MED13L: variants seen among roughly 807,000 people sequenced by gnomAD.
MED13L encodes mediator complex subunit 13L, also known as mediator of RNA polymerase II transcription subunit 13-like.
Under a neutral mutation model 220.9 loss-of-function variants are expected in MED13L, and 7 were observed. The ratio of observed to expected loss-of-function variants is 0.03; its 90% CI spans 0.02 to 0.06. The LOEUF is 0.06. Ranked by LOEUF, MED13L falls within the 10% of genes least tolerant of loss-of-function variation. The pLI is 1.00. For synonymous variants in MED13L, 1,011 were observed against 1,015.2 expected, an observed-to-expected ratio of 1.00 and a Z score of 0.08; for missense variants, 1,965 against 2,760.5, an observed-to-expected ratio of 0.71 and a Z score of 6.46.
At chr12:116,086,624 A>G (rs1404043195) in intron 4 of MED13L, among the ~76,000 whole-genome samples, 1 of 152,086 alleles carries the variant, frequency 6.6e-6, no homozygotes, top group Non-Finnish European at 1.5e-5. Flanking sequence ...TTATACTTCA[A>G]TCTTATACAA....
At chr12:116,233,262 T>C (rs973212120) in intron 2 of MED13L, among the ~76,000 whole-genome samples, 10 of 152,180 alleles carry the variant, frequency 6.6e-5, no homozygotes, top group African/African-American at 4.8e-5. Flanking sequence ...TTATAGTATA[T>C]AATCATTAGT....
At chr12:116,273,141 C>T (rs1168096043) in intron 1 of MED13L, among the ~76,000 whole-genome samples, 1 of 151,982 alleles carries the variant, frequency 6.6e-6, no homozygotes, top group African/African-American at 2.4e-5. Context: ...CCCGTCTCTA[C>T]TAAAAATACA....
chr12:116,117,957 G>C (rs965381170), intron 2 of MED13L, among the ~76,000 whole-genome samples: 13 of 152,042 alleles, frequency 8.6e-5, no homozygotes, highest in African/African-American at 3.1e-4. Context: ...TACAGGCATA[G>C]GCCACCATGC....
At chr12:116,116,931 A>G (rs540497861) in intron 2 of MED13L, among the ~76,000 whole-genome samples, 1 of 148,890 alleles carries the variant, frequency 6.7e-6, no homozygotes, top group Admixed American at 6.7e-5. Flanking sequence ...TCAAGTTTGG[A>G]GGATGTAAGG....
intron 1 of MED13L, among the ~76,000 whole-genome samples, chr12:116,239,804 A>G (rs970545587): frequency 7.9e-5 from 12 of 152,224 alleles, no homozygotes; most frequent in Non-Finnish European, 1.8e-4. Flanking sequence ...TATCTTTTAA[A>G]ATATCGGCCA....
chr12:116,039,215 C>T (rs568887841), intron 4 of MED13L, among the ~76,000 whole-genome samples: 1 of 152,318 alleles, frequency 6.6e-6, no homozygotes, highest in Admixed American at 6.5e-5. Flanking sequence ...TCAGAGCTAG[C>T]AGCTGGCACT....
chr12:116,275,839 C>T lies in MED13L; in HGVS notation c.72+1221G>A, dbSNP rs554885469. 2.2e-4 allele frequency among the ~76,000 whole-genome samples: 33 copies of T among 152,282 alleles called. No individual in the cohort carries two copies. The South Asian group carries it at 6.8e-3, about 32-fold the overall frequency. On this transcript the variant is annotated intron_variant, in intron 1 of 30. Coordinates refer to ENST00000281928, the MANE Select transcript of MED13L (RefSeq NM_015335.5). ...CAGCCAATTTTCCAATTATATTCTA[C>T]GCTTGAAACGTAATTGCCTTACATC...
chr12:116,191,763 T>A (rs1177553842), intron 2 of MED13L, among the ~76,000 whole-genome samples: 1 of 152,050 alleles, frequency 6.6e-6, no homozygotes, highest in East Asian at 1.9e-4. Context: ...GGAGGATCAC[T>A]TGAGCCCAGG....
chr12:116,247,832 AAG>A (rs1258658973), intron 1 of MED13L, among the ~76,000 whole-genome samples: 18 of 152,238 alleles, frequency 1.2e-4, no homozygotes, highest in Admixed American at 3.9e-4. Flanking sequence ...GCGTAAGTAT[AAG>A]GGCTCAGAGG....
At chr12:116,037,549 G>A (rs562728075) in intron 4 of MED13L, among the ~76,000 whole-genome samples, 1 of 152,164 alleles carries the variant, frequency 6.6e-6, no homozygotes, top group African/African-American at 2.4e-5. Context: ...ATCTGTATAA[G>A]AGCAAAGTTA....
chr12:116,276,438 G>A (rs1873839334), intron 1 of MED13L: 1 of 1,288,620 alleles, frequency 7.8e-7, no homozygotes, highest in Non-Finnish European at 1.0e-6. Context: ...ACCTTCCGTC[G>A]GCTCGGTGCA....
chr12:115,990,772 G>A (rs1252511582), intron 17 of MED13L, among the ~76,000 whole-genome samples: 1 of 152,182 alleles, frequency 6.6e-6, no homozygotes, highest in Non-Finnish European at 1.5e-5. Flanking sequence ...AACATAGACT[G>A]CTTACTTATG....
At chr12:116,167,270 A>G (rs1320948495) in intron 2 of MED13L, among the ~76,000 whole-genome samples, 2 of 152,216 alleles carry the variant, frequency 1.3e-5, no homozygotes, top group African/African-American at 4.8e-5. Context: ...CAAGATTAAT[A>G]TTATGTTTAC....
intron 4 of MED13L, among the ~76,000 whole-genome samples, chr12:116,066,759 T>TAAA (rs199896147): frequency 7.1e-6 from 1 of 140,170 alleles, no homozygotes. Flanking sequence ...AAAATTGTAT[T>TAAA]AAAAAAAAAA....
At chr12:116,168,662 T>C (rs947263308) in intron 2 of MED13L, among the ~76,000 whole-genome samples, 3 of 152,166 alleles carry the variant, frequency 2.0e-5, no homozygotes, top group African/African-American at 4.8e-5. Flanking sequence ...AATCAACTTC[T>C]TTCTGAATAT....
intron 2 of MED13L, among the ~76,000 whole-genome samples, chr12:116,176,856 T>G (rs923319080): frequency 1.6e-5 from 2 of 127,588 alleles, no homozygotes; most frequent in African/African-American, 6.1e-5. Flanking sequence ...GTGGTACATA[T>G]GCAGAATCGA....
chr12:116,012,614 T>A (rs1879480352), intron 9 of MED13L, among the ~76,000 whole-genome samples, 183 bp downstream of exon 9: 1 of 152,210 alleles, frequency 6.6e-6, no homozygotes, highest in African/African-American at 2.4e-5. Context: ...GCCGATTGTC[T>A]AACAAACTCT....
intron 2 of MED13L, among the ~76,000 whole-genome samples, chr12:116,157,796 C>G (rs1483111153): frequency 6.6e-6 from 1 of 152,230 alleles, no homozygotes; most frequent in African/African-American, 2.4e-5. Context: ...TCAAACTGTA[C>G]TTCTGGAGAA....
intron 3 of MED13L, among the ~76,000 whole-genome samples, chr12:116,107,603 C>T (rs1311007747): frequency 6.6e-6 from 1 of 152,168 alleles, no homozygotes; most frequent in African/African-American, 2.4e-5. Context: ...TATATGGCTC[C>T]TGCTTAGCTG....
Sources: allele counts gnomAD v4.1 joint callset (sites outside exome capture counted in the v4.1 genomes callset), GRCh38; gene constraint gnomAD v4.1.1; transcripts MANE v1.5; gene names NCBI Gene and HGNC (gene_info 2026-07-23, HGNC 2026-07-21).